The following CMAS variants were observed in gnomAD, a reference collection of about 807,000 sequenced individuals.
CMAS encodes cytidine monophosphate N-acetylneuraminic acid synthetase.
CMAS carries 21 observed loss-of-function variants against 53.4 expected under a neutral mutation model. That is an observed-to-expected ratio of 0.39 (90% CI 0.28 to 0.57). The LOEUF (loss-of-function observed/expected upper bound fraction) is 0.57. Ranked by LOEUF, CMAS falls within the 20% of genes least tolerant of loss-of-function variation. The pLI, the probability that CMAS is intolerant of heterozygous loss-of-function variation, is 0.56. For synonymous variants in CMAS, 189 were observed against 195.2 expected (o/e 0.97, Z 0.27); for missense variants, 384 against 534.9 (o/e 0.72, Z 2.78).
At chr12:22,047,492 A>G (rs1255751729) in intron 1 of CMAS, among the ~76,000 whole-genome samples, 4 of 152,110 alleles carry the variant, frequency 2.6e-5, no homozygotes, top group African/African-American at 7.2e-5. Context: ...TTTTGAACCT[A>G]TATTTGCTTA....
chr12:22,062,260 C>CTTT (rs33946820), intron 6 of CMAS, 21 bp from the exon 7 acceptor site: 155 of 1,415,156 alleles, frequency 1.1e-4, no homozygotes, highest in South Asian at 3.4e-4. Context: ...TCCTCCAATC[C>CTTT]TTTTTTTTTT....
At chr12:22,054,731 A>T (rs1950256909) in intron 1 of CMAS, among the ~76,000 whole-genome samples, 1 of 151,866 alleles carries the variant, frequency 6.6e-6, no homozygotes, top group Non-Finnish European at 1.5e-5. Context: ...GTGCCTTTTT[A>T]AAAACGTTTA....
intron 1 of CMAS, among the ~76,000 whole-genome samples, chr12:22,054,877 C>T (rs1401910527): frequency 6.6e-6 from 1 of 152,006 alleles, no homozygotes; most frequent in Non-Finnish European, 1.5e-5. Context: ...CACCCTCCTC[C>T]CACCCTCTAC....
chr12:22,063,153 G>C (rs540385124), intron 7 of CMAS, among the ~76,000 whole-genome samples: 1 of 152,304 alleles, frequency 6.6e-6, no homozygotes, highest in East Asian at 1.9e-4. Context: ...ACAGTCTGAT[G>C]ATGTCAACAT....
At chr12:22,062,077 ATGAGAAATAAAATGAGC>A (rs1950311725) in intron 6 of CMAS, among the ~76,000 whole-genome samples, 187 bp from the exon 7 acceptor site, 1 of 152,172 alleles carries the variant, frequency 6.6e-6, no homozygotes, top group African/African-American at 2.4e-5. Flanking sequence ...TTATTGGGCT[ATGAGAAATAAAATGAGC>A]TTTGTTTTAA....
chr12:22,048,724 A>G (rs1006832030), intron 1 of CMAS, among the ~76,000 whole-genome samples: 1 of 152,192 alleles, frequency 6.6e-6, no homozygotes, highest in African/African-American at 2.4e-5. Context: ...CGAACATTCT[A>G]GGAAATAACT....
intron 4 of CMAS, chr12:22,060,611 AC>A: frequency 2.5e-6 from 1 of 406,068 alleles, no homozygotes; most frequent in Admixed American, 3.6e-5. Flanking sequence ...CTATGATTGC[AC>A]CATTGCACTC....
At chr12:22,055,856 T>G (rs1950264815) in intron 3 of CMAS, among the ~76,000 whole-genome samples, 1 of 152,232 alleles carries the variant, frequency 6.6e-6, no homozygotes, top group African/African-American at 2.4e-5. Context: ...TATTTCTGTT[T>G]GCCTTTTGAG....
chr12:22,057,240 T>TACACACACACACAC (rs71053372), intron 3 of CMAS, among the ~76,000 whole-genome samples: 10 of 118,014 alleles, frequency 8.5e-5, no homozygotes, highest in South Asian at 3.0e-4. Context: ...CACACACACA[T>TACACACACACACAC]ACACACACAC....
In CMAS at chr12:22,055,540, A is replaced by C. The variant is rs1950262541; in HGVS notation, c.489A>C (p.Glu163Asp). The part of the protein sequence containing the change: ...DLQKVAEMIR[E>D]EGYDSVFSVV... ...AAAAAGTTGCAGAAATGATTCGAGA[A>C]GAAGGATATGATTCTGTTTTCTCTG... The change falls in exon 3 of 8, where the codon GAA becomes GAC. Residue 163 changes from glutamate to aspartate, a missense_variant. Glu to Asp is a conservative substitution (Grantham distance 45). Around this residue, in one of 3 missense-constraint regions of CMAS, gnomAD observed 139 missense variants for 248.0 expected, o/e 0.56. Transcript: ENST00000229329. The C allele has an allele frequency of 6.2e-7, 1 of 1,612,512 alleles. No individual in the cohort carries two copies. Among genetic ancestry groups the C allele is most frequent in the Admixed American group, 1.7e-5 (1 of 59,782 alleles).
chr12:22,052,428 T>C lies in CMAS; in HGVS notation c.261-2721T>C, dbSNP rs186988931. Reference sequence around the variant, plus strand: ...ACCTCCTCCAAAATTCTGTTTTTTTTCTTGCTTTTTAAACATTACTTAAAG... The same window carrying C: ...ACCTCCTCCAAAATTCTGTTTTTTTCCTTGCTTTTTAAACATTACTTAAAG... On this transcript the variant is annotated intron_variant, in intron 1 of 7. Coordinates refer to ENST00000229329, the MANE Select transcript of CMAS (RefSeq NM_018686.6). 2.0e-3 allele frequency among the ~76,000 whole-genome samples: 298 copies of C among 152,294 alleles called. 5 individuals carry two copies. Among genetic ancestry groups the C allele is most frequent in the African/African-American group, 6.5e-3 (271 of 41,552 alleles).
intron 1 of CMAS, among the ~76,000 whole-genome samples, chr12:22,047,028 G>T (rs756141117): frequency 6.6e-6 from 1 of 152,132 alleles, no homozygotes; most frequent in Non-Finnish European, 1.5e-5. Context: ...ATGGAGTTGA[G>T]TGTCGGGGTG....
intron 2 of CMAS, 63 bp from the exon 3 acceptor site, chr12:22,055,392 T>C: frequency 6.7e-7 from 1 of 1,496,982 alleles, no homozygotes; most frequent in Non-Finnish European, 9.0e-7. Context: ...CAAACCTTAA[T>C]ATTACTTGCT....
At chr12:22,046,901 T>A (rs1250388297) in intron 1 of CMAS, among the ~76,000 whole-genome samples, 1 of 152,190 alleles carries the variant, frequency 6.6e-6, no homozygotes, top group East Asian at 1.9e-4. Context: ...GCCACCCCGG[T>A]GCAACATCTG....
intron 6 of CMAS, 146 bp downstream of exon 6, chr12:22,061,598 C>T: frequency 4.1e-6 from 2 of 485,414 alleles, no homozygotes; most frequent in Non-Finnish European, 3.5e-6. Context: ...AATTATTATA[C>T]TATTTAGTTT....
intron 3 of CMAS, among the ~76,000 whole-genome samples, chr12:22,058,193 G>A (rs561535438): frequency 5.5e-4 from 84 of 151,390 alleles, no homozygotes; most frequent in Non-Finnish European, 8.4e-4. Flanking sequence ...TTGGGAGGCC[G>A]AGGTGGGCGG....
At chr12:22,055,024 A>G (rs911333173) in intron 1 of CMAS, 125 bp from the exon 2 acceptor site, 3 of 591,812 alleles carry the variant, frequency 5.1e-6, no homozygotes, top group East Asian at 3.1e-5. Context: ...GATCTGTAAC[A>G]TTATTATCAT....
intron 6 of CMAS, 126 bp from the exon 7 acceptor site, chr12:22,062,155 A>C: frequency 1.3e-6 from 1 of 768,282 alleles, no homozygotes; most frequent in Middle Eastern, 3.7e-4. Flanking sequence ...GACCTTCAGA[A>C]AGTCAAAAGA....
chr12:22,047,933 G>A (rs1439380484), intron 1 of CMAS, among the ~76,000 whole-genome samples: 1 of 152,192 alleles, frequency 6.6e-6, no homozygotes, highest in Non-Finnish European at 1.5e-5. Context: ...AAATGAACTA[G>A]AGATCAAAAT....
Sources: gnomAD v4.1 joint callset for allele counts (sites outside exome capture counted in the v4.1 genomes callset) on GRCh38, gnomAD v4.1.1 for gene constraint, gnomAD v4.1.1 regional missense constraint, MANE v1.5 for transcripts, NCBI Gene and HGNC (gene_info 2026-07-23, HGNC 2026-07-21) for gene names.